The following SRBD1 variants were observed in gnomAD, a reference collection of about 807,000 sequenced individuals.
The protein encoded by SRBD1 is S1 RNA binding domain 1.
SRBD1 carries 88 observed loss-of-function variants against 115.3 expected under a neutral mutation model. The ratio of observed to expected loss-of-function variants is 0.76; its 90% CI spans 0.64 to 0.91. The LOEUF (loss-of-function observed/expected upper bound fraction) is 0.91, where lower values mean the gene tolerates loss of function less well. Ranked by LOEUF, SRBD1 falls within the 40% of genes least tolerant of loss-of-function variation. The pLI, the probability that SRBD1 is intolerant of heterozygous loss-of-function variation, is 0.00. For missense variants in SRBD1, 1,385 were observed against 1,177.4 expected, an observed-to-expected ratio of 1.18 and a Z score of -2.58; for synonymous variants, 509 against 407.7, an observed-to-expected ratio of 1.25 and a Z score of -2.99.
Position 45,601,981 on chromosome 2 carries a change from T to C in SRBD1, c.183A>G (p.Pro61=). ...TCTTCTTCACCCGAGGCATCCTCTTTGGTTTGGATTCCTTGGGAGGGGGCT... is the reference window on the plus strand; with the variant it reads ...TCTTCTTCACCCGAGGCATCCTCTTCGGTTTGGATTCCTTGGGAGGGGGCT... ...RKQPPPKESK[P]KRMPRVKKNA... is the part of the protein sequence containing the mutation. The change falls in exon 3 of 21, where the codon CCA becomes CCG. Residue 61 remains proline (P), a synonymous_variant. Coordinates refer to ENST00000263736, the MANE Select transcript of SRBD1 (RefSeq NM_018079.5). 6.2e-7 allele frequency: 1 copy of C among 1,614,220 alleles called. No individual in the cohort carries two copies. Among genetic ancestry groups the C allele is most frequent in the Non-Finnish European group, 8.5e-7 (1 of 1,180,030 alleles).
intron 12 of SRBD1, 127 bp from the exon 13 acceptor site, chr2:45,547,739 T>C (rs564275274): frequency 5.0e-5 from 33 of 656,438 alleles, no homozygotes; most frequent in Non-Finnish European, 7.6e-5. Flanking sequence ...GTCTGAACTA[T>C]TCATATTCAC....
chr2:45,479,062 A>G (rs1306242344), intron 15 of SRBD1, among the ~76,000 whole-genome samples: 2 of 152,156 alleles, frequency 1.3e-5, no homozygotes, highest in Non-Finnish European at 2.9e-5. Context: ...CACTATTGTA[A>G]TTGCTTTAGA....
At chr2:45,398,453 T>A (rs191490879) in intron 19 of SRBD1, among the ~76,000 whole-genome samples, 1 of 152,270 alleles carries the variant, frequency 6.6e-6, no homozygotes, top group East Asian at 1.9e-4. Context: ...ATTATAAGCA[T>A]CAGACTGTTA....
chr2:45,496,070 T>C (rs1326903553), intron 14 of SRBD1, among the ~76,000 whole-genome samples: 1 of 152,204 alleles, frequency 6.6e-6, no homozygotes, highest in Non-Finnish European at 1.5e-5. Context: ...TGCACCTTCA[T>C]TCAGATACAA....
intron 18 of SRBD1, among the ~76,000 whole-genome samples, chr2:45,416,925 A>G (rs530197836): frequency 6.6e-6 from 1 of 152,102 alleles, no homozygotes; most frequent in South Asian, 2.1e-4. Flanking sequence ...ATTACAGGTG[A>G]GCACCACCAT....
At chr2:45,474,348 G>A (rs1023006766) in intron 16 of SRBD1, among the ~76,000 whole-genome samples, 6 of 152,194 alleles carry the variant, frequency 3.9e-5, no homozygotes, top group African/African-American at 1.4e-4. Flanking sequence ...TGTGTATGCT[G>A]TTTCTGTTTA....
At chr2:45,515,323 G>A (rs1671087353) in intron 14 of SRBD1, among the ~76,000 whole-genome samples, 1 of 152,092 alleles carries the variant, frequency 6.6e-6, no homozygotes, top group Non-Finnish European at 1.5e-5. Context: ...AGAGAGGTTG[G>A]GTAATTTGTT....
chr2:45,570,118 T>C (rs1672962336), intron 9 of SRBD1, among the ~76,000 whole-genome samples: 1 of 152,200 alleles, frequency 6.6e-6, no homozygotes, highest in African/African-American at 2.4e-5. Flanking sequence ...AGCAGTTGCG[T>C]AGTTGCAACA....
At chr2:45,500,228 C>G (rs982194948) in intron 14 of SRBD1, among the ~76,000 whole-genome samples, 3 of 146,458 alleles carry the variant, frequency 2.0e-5, no homozygotes, top group African/African-American at 7.6e-5. Flanking sequence ...TAAATTTATC[C>G]TGTGTGTGTG....
At chr2:45,587,188 T>TA (rs1258241268) in intron 4 of SRBD1, among the ~76,000 whole-genome samples, 2 of 134,786 alleles carry the variant, frequency 1.5e-5, no homozygotes, top group Admixed American at 7.2e-5. Context: ...TATTTAAAAA[T>TA]TTTTAAATAT....
At position 45,599,592 on chromosome 2, in the gene SRBD1, C is replaced by T. The variant is rs1674024697; in HGVS notation, c.505G>A (p.Glu169Lys). The change falls in exon 4 of 21, where the codon GAG becomes AAG. Residue 169 changes from glutamate (E) to lysine (K), a missense_variant. Coordinates refer to ENST00000263736, the MANE Select transcript of SRBD1 (RefSeq NM_018079.5). ...CCAAATGTAAAGTCATCGTCATTCT[C>T]TTCCTTCTTGCATGTACCTCCCCAC... ...TVWGGTCKKE[E>K]NDDDFTFGQS... 3.1e-6 allele frequency: 5 copies of T among 1,614,066 alleles called. No homozygotes were observed. Among genetic ancestry groups the T allele is most frequent in the African/African-American group, 1.3e-5 (1 of 74,924 alleles).
At chr2:45,535,532 C>A (rs549053370) in intron 14 of SRBD1, among the ~76,000 whole-genome samples, 92 of 152,038 alleles carry the variant, frequency 6.1e-4, no homozygotes, top group African/African-American at 2.1e-3. Flanking sequence ...AACATCAGTT[C>A]ATCTCCAAGC....
Position 45,560,886 on chromosome 2 carries a change from G to A in SRBD1, c.1409+1767C>T, listed in dbSNP as rs562480233. On this transcript the variant is annotated intron_variant, in intron 10 of 20. Transcript: ENST00000263736. ...TTTGGGAGGCTCAGATAGAAGGACC[G>A]CTTGAGCCCAGGAGTTCAAGACCAG... 9.2e-5 allele frequency among the ~76,000 whole-genome samples: 14 copies of A among 151,658 alleles called. No homozygotes were observed. The South Asian group carries it at 2.7e-3, about 29-fold the overall frequency.
chr2:45,550,431 T>A (rs1194369048), intron 12 of SRBD1, among the ~76,000 whole-genome samples: 2 of 149,654 alleles, frequency 1.3e-5, no homozygotes, highest in African/African-American at 5.0e-5. Context: ...ACATATTACC[T>A]TCAAAGGAAC....
At chr2:45,472,182 T>C (rs1484024236) in intron 16 of SRBD1, among the ~76,000 whole-genome samples, 1 of 152,136 alleles carries the variant, frequency 6.6e-6, no homozygotes, top group African/African-American at 2.4e-5. Flanking sequence ...TACTGATACA[T>C]GCTGCAATGC....
intron 6 of SRBD1, among the ~76,000 whole-genome samples, chr2:45,581,096 C>G (rs1673348271): frequency 1.3e-5 from 2 of 152,088 alleles, no homozygotes; most frequent in Non-Finnish European, 2.9e-5. Context: ...TCCTAATTAC[C>G]AAATATATAT....
intron 4 of SRBD1, among the ~76,000 whole-genome samples, chr2:45,595,592 C>T (rs970327978): frequency 2.0e-5 from 3 of 152,160 alleles, no homozygotes; most frequent in Non-Finnish European, 2.9e-5. Context: ...CCCTCTTTTT[C>T]CAACATCTAC....
At chr2:45,562,865 G>T in intron 9 of SRBD1, 109 bp from the exon 10 acceptor site, 3 of 617,714 alleles carry the variant, frequency 4.9e-6, no homozygotes, top group Admixed American at 3.5e-5. Context: ...TATTAAACAA[G>T]AATACATTTT....
intron 14 of SRBD1, among the ~76,000 whole-genome samples, chr2:45,545,198 T>C (rs1397893668): frequency 1.4e-5 from 2 of 145,106 alleles, no homozygotes; most frequent in Admixed American, 7.3e-5. Flanking sequence ...GAGAGTGGCA[T>C]GAACCTGGGA....
Sources: gnomAD v4.1 joint callset for allele counts (sites outside exome capture counted in the v4.1 genomes callset) on GRCh38, gnomAD v4.1.1 for gene constraint, MANE v1.5 for transcripts, NCBI Gene and HGNC (gene_info 2026-07-23, HGNC 2026-07-21) for gene names.